Variants in SDHAF3 observed in about 807,000 individuals in gnomAD.
The protein encoded by SDHAF3 is succinate dehydrogenase complex assembly factor 3.
SDHAF3 carries 18 observed loss-of-function variants against 11.5 expected under a neutral mutation model. That is an observed-to-expected ratio of 1.56 (90% CI 1.08 to 2.32). The LOEUF (loss-of-function observed/expected upper bound fraction) is 2.32. SDHAF3 is among the 30% of genes most tolerant of loss of function. The pLI, the probability that SDHAF3 is intolerant of heterozygous loss-of-function variation, is 0.00. For missense variants in SDHAF3, 200 were observed against 154.4 expected (o/e 1.30, Z -1.57); for synonymous variants, 72 against 59.3 (o/e 1.21, Z -0.99).
In SDHAF3 at chr7:97,117,845, G is replaced by T. The variant is rs757828353; in HGVS notation, c.122G>T (p.Arg41Ile). ...CAGTACGTGAAAGACGAATTTAGGA[G>T]ACATAAGACCGTTGGTTCTGACGAG... ...GDQYVKDEFR[R>I]HKTVGSDEAQ... Residue 41 changes from arginine (R) to isoleucine (I), a missense_variant, in exon 1 of 2, where the codon AGA (arginine) becomes ATA (isoleucine). Coordinates refer to ENST00000432641, the MANE Select transcript of SDHAF3 (RefSeq NM_020186.3). 2.5e-6 allele frequency: 4 copies of T among 1,614,228 alleles called. No individual in the cohort carries two copies. The South Asian group carries it at 4.4e-5, about 18-fold the overall frequency.
intron 1 of SDHAF3, among the ~76,000 whole-genome samples, chr7:97,139,891 C>G (rs1048284126): frequency 6.6e-6 from 1 of 152,142 alleles, no homozygotes; most frequent in Non-Finnish European, 1.5e-5. Flanking sequence ...TTGTCAGTAC[C>G]TCTGGATGTT....
intron 1 of SDHAF3, among the ~76,000 whole-genome samples, chr7:97,142,052 T>C (rs1393158871): frequency 9.5e-6 from 1 of 105,640 alleles, no homozygotes; most frequent in Non-Finnish European, 2.1e-5. Context: ...CTTTTTTTTT[T>C]TTTTTTTTTT....
At chr7:97,166,667 C>G (rs1176688741) in intron 1 of SDHAF3, among the ~76,000 whole-genome samples, 1 of 152,038 alleles carries the variant, frequency 6.6e-6, no homozygotes, top group Non-Finnish European at 1.5e-5. Context: ...TCTGACCACC[C>G]TTTCCCATCA....
intron 1 of SDHAF3, among the ~76,000 whole-genome samples, chr7:97,152,602 A>G (rs1351107104): frequency 6.6e-6 from 1 of 152,054 alleles, no homozygotes; most frequent in African/African-American, 2.4e-5. Flanking sequence ...TAGGAAGTTT[A>G]TGGCCTCTGA....
intron 1 of SDHAF3, chr7:97,135,335 T>C (rs1297088956): frequency 1.3e-5 from 2 of 152,146 alleles, no homozygotes; most frequent in East Asian, 3.9e-4. Context: ...ATTAGGATCC[T>C]TCTTCCTGCC....
intron 1 of SDHAF3, among the ~76,000 whole-genome samples, chr7:97,141,094 C>T (rs977442173): frequency 6.6e-6 from 1 of 152,312 alleles, no homozygotes; most frequent in South Asian, 2.1e-4. Context: ...ATGAAATAAG[C>T]CCCGGTCTCC....
intron 1 of SDHAF3, among the ~76,000 whole-genome samples, chr7:97,138,107 G>A (rs371114839): frequency 2.0e-5 from 3 of 150,974 alleles, no homozygotes; most frequent in African/African-American, 2.4e-5. Flanking sequence ...TGATCCACCC[G>A]CCTTGGCCTC....
At chr7:97,122,469 C>A (rs769795663) in intron 1 of SDHAF3, among the ~76,000 whole-genome samples, 1 of 149,948 alleles carries the variant, frequency 6.7e-6, no homozygotes, top group African/African-American at 2.4e-5. Context: ...TAAACCAAGA[C>A]AGAGGCCTTG....
At chr7:97,149,061 C>T (rs1394930774) in intron 1 of SDHAF3, among the ~76,000 whole-genome samples, 3 of 151,976 alleles carry the variant, frequency 2.0e-5, no homozygotes, top group African/African-American at 7.2e-5. Context: ...TCCTGAGTAG[C>T]TGGGACTACA....
chr7:97,122,100 G>A (rs770076285), intron 1 of SDHAF3, among the ~76,000 whole-genome samples: 22 of 152,052 alleles, frequency 1.4e-4, no homozygotes, highest in Non-Finnish European at 2.8e-4. Context: ...CTTATGATCC[G>A]CCCACCTGGG....
chr7:97,135,909 G>A (rs934174213), intron 1 of SDHAF3, among the ~76,000 whole-genome samples: 9 of 151,408 alleles, frequency 5.9e-5, no homozygotes, highest in East Asian at 3.9e-4. Flanking sequence ...GGATGGTCTC[G>A]ATCTCCTGAC....
Position 97,168,851 on chromosome 7 carries a change from A to G in SDHAF3, c.175-12161A>G, listed in dbSNP as rs142702520. On this transcript the variant is annotated intron_variant, in intron 1 of 1. Coordinates refer to ENST00000432641, the MANE Select transcript of SDHAF3 (RefSeq NM_020186.3). The stretch of plus-strand genomic sequence containing the variant: ...GTTCATTTCTTACATACTTATTCTT[A>G]TATTCTCCTTTAGTGAGTAAGCTAT... Among the ~76,000 whole-genome samples, 276 of 152,102 alleles carry G rather than the reference A, an allele frequency of 1.8e-3. 1 individual carries two copies. The highest frequency in any genetic ancestry group is 6.5e-3 in the African/African-American group (269 of 41,456).
intron 1 of SDHAF3, among the ~76,000 whole-genome samples, chr7:97,173,671 G>T (rs1789638905): frequency 6.6e-6 from 1 of 150,804 alleles, no homozygotes; most frequent in South Asian, 2.1e-4. Flanking sequence ...TCCTGCCTCA[G>T]CCTCCCGAAT....
At chr7:97,167,581 C>T (rs1229929809) in intron 1 of SDHAF3, among the ~76,000 whole-genome samples, 2 of 152,168 alleles carry the variant, frequency 1.3e-5, no homozygotes, top group African/African-American at 2.4e-5. Flanking sequence ...GTCGGCTGTA[C>T]AGGAGATTAG....
rs71131003 is a variant in SDHAF3 at position 97,142,042 on chromosome 7, C to CTTTTTTTTTT, written c.174+24165_174+24174dup. 4.4e-3 allele frequency among the ~76,000 whole-genome samples: 274 copies of CTTTTTTTTTT among 61,692 alleles called. 50 individuals carry two copies. In the East Asian group the frequency reaches 0.045, roughly 10 times the overall value. The allele number at this position is 61,692 out of a possible 152,430, so 40.5% of individuals were successfully genotyped here. On this transcript the variant is annotated intron_variant, in intron 1 of 1. Transcript: ENST00000432641. ...AGCAATGAAATGTGTGAATTGTTGTCTTTTTTTTTTTTTTTTTTTTTTTTT... is the reference window on the plus strand; with the variant it reads ...AGCAATGAAATGTGTGAATTGTTGTCTTTTTTTTTTTTTTTTTTTTTTTTTTTTTTTTTTT...
chr7:97,126,964 G>A (rs147593535), intron 1 of SDHAF3, among the ~76,000 whole-genome samples: 43 of 152,186 alleles, frequency 2.8e-4, no homozygotes, highest in African/African-American at 7.9e-4. Context: ...CCTGGTCTTC[G>A]GATTACAAAA....
At chr7:97,163,028 T>G (rs1789437647) in intron 1 of SDHAF3, among the ~76,000 whole-genome samples, 1 of 152,116 alleles carries the variant, frequency 6.6e-6, no homozygotes. Context: ...GGAGTCTAAG[T>G]CTCTTTGTAG....
At chr7:97,120,550 AGACAT>A (rs1791476495) in intron 1 of SDHAF3, among the ~76,000 whole-genome samples, 1 of 151,934 alleles carries the variant, frequency 6.6e-6, no homozygotes, top group Non-Finnish European at 1.5e-5. Context: ...AGATACTGCT[AGACAT>A]GACATGGATT....
intron 1 of SDHAF3, among the ~76,000 whole-genome samples, chr7:97,178,220 A>T (rs945377085): frequency 2.6e-5 from 4 of 152,218 alleles, no homozygotes; most frequent in African/African-American, 9.6e-5. Context: ...TGTAGTATGG[A>T]TCAGAACTTC....
Sources: gnomAD v4.1 joint callset for allele counts (sites outside exome capture counted in the v4.1 genomes callset) on GRCh38, gnomAD v4.1.1 for gene constraint, MANE v1.5 for transcripts, NCBI Gene and HGNC (gene_info 2026-07-23, HGNC 2026-07-21) for gene names.